DPP3: variants seen among roughly 807,000 people sequenced by gnomAD.
DPP3 encodes dipeptidyl peptidase 3, also known as DPP III.
Under a neutral mutation model 89.8 loss-of-function variants are expected in DPP3, and 64 were observed. That is an observed-to-expected ratio of 0.71 (90% CI 0.58 to 0.88). DPP3 has a LOEUF of 0.88. DPP3 is among the 40% of genes least tolerant of loss of function. DPP3 has a pLI of 0.00. For synonymous variants in DPP3, 377 were observed against 404.3 expected (o/e 0.93, Z 0.81); for missense variants, 835 against 972.5 (o/e 0.86, Z 1.88).
At position 66,495,477 on chromosome 11, in the gene DPP3, C is replaced by T. The variant is rs373434247; in HGVS notation, c.1565C>T (p.Pro522Leu). The change falls in exon 14 of 18, where the codon CCG (proline) becomes CTG (leucine). Residue 522 changes from proline to leucine, a missense_variant. By Grantham distance (98) the Pro-to-Leu change is moderately conservative. Transcript: ENST00000531863. ...ESVGLYLCLH[P>L]QVLEIFGFEG... ...GTGGGTCTCTACCTCTGTCTCCACC[C>T]GCAAGTGCTGGAGTAAGAGCAGCAG... The T allele has an allele frequency of 1.4e-5, 22 of 1,611,232 alleles. No individual in the cohort carries two copies. Among genetic ancestry groups the T allele is most frequent in the African/African-American group, 6.7e-5 (5 of 74,904 alleles).
rs199808356 is a variant in DPP3, at chr11:66,509,226, G to T, written c.2189G>T (p.Ser730Ile). The change falls in exon 18 of 18, where the codon AGT (serine) becomes ATT (isoleucine). Residue 730 changes from serine to isoleucine, a missense_variant. Transcript: ENST00000531863. ...GATGCCCGATTCTGGAAGGGCCCCA[G>T]TGAGGCCCCATCTGGCCAAGCTTGA... ...TADARFWKGP[S>I]EAPSGQA is the part of the protein sequence containing the mutation. The T allele has an allele frequency of 6.8e-6, 11 of 1,613,066 alleles. No homozygotes were observed. The East Asian group carries it at 2.0e-4, about 29-fold the overall frequency.
Position 66,509,167 on chromosome 11 carries a change from G to A in DPP3, c.2130G>A (p.Glu710=). 1 of 1,614,230 alleles carries A rather than the reference G, an allele frequency of 6.2e-7. No homozygotes were observed. The highest frequency in any genetic ancestry group is 1.3e-5 in the African/African-American group (1 of 75,080). ...AGCGTTTCCCAGAGGATGGACCCGA[G>A]TTGGAGGAGATCCTCACACAGCTGG... ...FSERFPEDGP[E]LEEILTQLAT... is the part of the protein sequence containing the mutation. The change falls in exon 18 of 18, where the codon GAG becomes GAA. Residue 710 remains glutamate, a synonymous_variant. Coordinates refer to ENST00000531863, the MANE Select transcript of DPP3 (RefSeq NM_130443.4).
chr11:66,480,660 C>A, intron 1 of DPP3, 195 bp downstream of exon 1: 1 of 553,650 alleles, frequency 1.8e-6, no homozygotes, highest in African/African-American at 2.0e-5. Context: ...CGAGGCTGTG[C>A]TATTGGGGCG....
intron 12 of DPP3, among the ~76,000 whole-genome samples, chr11:66,494,891 G>A (rs913342244): frequency 6.6e-5 from 10 of 152,126 alleles, no homozygotes; most frequent in African/African-American, 2.2e-4. Flanking sequence ...CTCCCACTGG[G>A]GTCTGGAGAC....
intron 17 of DPP3, among the ~76,000 whole-genome samples, chr11:66,505,806 C>CT (rs1333534169): frequency 9.6e-6 from 1 of 104,502 alleles, no homozygotes; most frequent in Non-Finnish European, 1.8e-5. Context: ...GACCTCAACT[C>CT]TTTAAAAAAA....
chr11:66,492,519 C>T (rs967719056), intron 9 of DPP3, 197 bp from the exon 10 acceptor site: 18 of 574,624 alleles, frequency 3.1e-5, no homozygotes, highest in Admixed American at 1.5e-4. Context: ...GAGGGAGAGA[C>T]GGGTTTGTGC....
At chr11:66,482,550 C>T (rs1565265102) in intron 2 of DPP3, 80 bp downstream of exon 2, 3 of 1,555,436 alleles carry the variant, frequency 1.9e-6, no homozygotes, top group Non-Finnish European at 2.6e-6. Context: ...CTGTCTCTTT[C>T]AAGGGGTAGG....
chr11:66,493,256 C>A, intron 11 of DPP3, 77 bp downstream of exon 11: 1 of 1,296,970 alleles, frequency 7.7e-7, no homozygotes, highest in Non-Finnish European at 1.1e-6. Context: ...CAGCCCAGAG[C>A]AGTAGAGAGG....
At chr11:66,482,686 A>C (rs1178474949) in intron 2 of DPP3, among the ~76,000 whole-genome samples, 1 of 152,262 alleles carries the variant, frequency 6.6e-6, no homozygotes, top group South Asian at 2.1e-4. Context: ...CACTTAGAAC[A>C]GTGCCTGACT....
intron 6 of DPP3, among the ~76,000 whole-genome samples, chr11:66,490,586 G>A (rs1370886783): frequency 6.6e-6 from 1 of 151,726 alleles, no homozygotes; most frequent in Non-Finnish European, 1.5e-5. Flanking sequence ...AATCCAGTCT[G>A]CCACTTGCTA....
At chr11:66,500,542 G>A (rs1855652540) in intron 16 of DPP3, among the ~76,000 whole-genome samples, 2 of 152,182 alleles carry the variant, frequency 1.3e-5, no homozygotes, top group African/African-American at 4.8e-5. Flanking sequence ...ATACCCACCA[G>A]CATGGCAGGA....
At chr11:66,499,492 G>GGT (rs2134744529) in intron 16 of DPP3, among the ~76,000 whole-genome samples, 1 of 152,194 alleles carries the variant, frequency 6.6e-6, no homozygotes, top group South Asian at 2.1e-4. Context: ...TTTTTAGGTT[G>GGT]GGTGTGGTGG....
Position 66,480,455 on chromosome 11 carries a change from A to C in DPP3, c.-19A>C, listed in dbSNP as rs917661492. The C allele has an allele frequency of 6.7e-7, 1 of 1,488,130 alleles. No individual in the cohort carries two copies. The highest frequency in any genetic ancestry group is 1.4e-5 in the African/African-American group (1 of 69,144). The allele number at this position is 1,488,130 out of a possible 1,614,324, so 92.2% of individuals were successfully genotyped here. A position where few individuals can be genotyped will look rare whatever the true frequency, so the allele number is the denominator to read the frequency against. On this transcript the variant is annotated 5_prime_UTR_variant, in exon 1 of 18. Transcript: ENST00000531863. ...CAGGAAGTGAGTTTGCGAACGGAGC[A>C]GCTGCTGCAGGTGAGGCGCGGCGCC...
chr11:66,494,876 GGC>G (rs1855489587), intron 12 of DPP3, among the ~76,000 whole-genome samples: 1 of 152,186 alleles, frequency 6.6e-6, no homozygotes. Flanking sequence ...TACCCATTGG[GGC>G]ATCTCCCACT....
chr11:66,507,280 A>T lies in DPP3; in HGVS notation c.2042-1799A>T, dbSNP rs1855825296. 2.6e-5 allele frequency among the ~76,000 whole-genome samples: 4 copies of T among 152,080 alleles called. No individual in the cohort carries two copies. In the South Asian group the frequency reaches 8.3e-4, roughly 32 times the overall value. On this transcript the variant is annotated intron_variant, in intron 17 of 17. Transcript: ENST00000531863. ...CAGGAGATCGAGACCGTCCTGGCTA[A>T]CACGGTGAAACCCCGTCTCTACTAA...
chr11:66,509,326 G>C lies in DPP3; in HGVS notation c.*75G>C, dbSNP rs1161551689. 6.4e-7 allele frequency: 1 copy of C among 1,551,902 alleles called. No individual in the cohort carries two copies. Among genetic ancestry groups the C allele is most frequent in the Admixed American group, 2.0e-5 (1 of 51,096 alleles). On this transcript the variant is annotated 3_prime_UTR_variant, in exon 18 of 18. Transcript: ENST00000531863. ...GGCCCTCCATTCGTGTGTGTATTTA[G>C]GGGCTGGGGAGGGGGAGGGGCAGGA... is the stretch of plus-strand genomic sequence containing the variant.
intron 16 of DPP3, among the ~76,000 whole-genome samples, chr11:66,499,428 C>T (rs1855625959): frequency 6.6e-6 from 1 of 151,976 alleles, no homozygotes; most frequent in African/African-American, 2.4e-5. Flanking sequence ...CCCCGCTTAT[C>T]CACAGTTTTG....
intron 3 of DPP3, among the ~76,000 whole-genome samples, 166 bp downstream of exon 3, chr11:66,485,428 G>A (rs1855200018): frequency 6.6e-6 from 1 of 152,312 alleles, no homozygotes; most frequent in Non-Finnish European, 1.5e-5. Context: ...CTCACTGGGT[G>A]CTGCGGCCTC....
In DPP3 at chr11:66,491,496, C is replaced by G. The variant is rs1452190726; in HGVS notation, c.801C>G (p.Ala267=). 1.9e-6 allele frequency: 3 copies of G among 1,608,034 alleles called. No individual in the cohort carries two copies. Among genetic ancestry groups the G allele is most frequent in the South Asian group, 1.1e-5 (1 of 90,580 alleles). ...TGACCGACCCCCGCTCACCTCAGGC[C>G]TATGCAGCCAACAGCCACCAGGGGC... ...KVVEQLEKAK[A]YAANSHQGQM... Residue 267 remains alanine (A), a splice_region_variant and synonymous_variant, in exon 8 of 18, where the codon GCC becomes GCG. Coordinates refer to ENST00000531863, the MANE Select transcript of DPP3 (RefSeq NM_130443.4).
Sources: gnomAD v4.1 joint callset for allele counts (sites outside exome capture counted in the v4.1 genomes callset) on GRCh38, gnomAD v4.1.1 for gene constraint, MANE v1.5 for transcripts, NCBI Gene and HGNC (gene_info 2026-07-23, HGNC 2026-07-21) for gene names.